KYNU: variants seen among roughly 807,000 people sequenced by gnomAD.
KYNU encodes the protein kynureninase.
Under a neutral mutation model 59.2 loss-of-function variants are expected in KYNU, and 54 were observed. The ratio of observed to expected loss-of-function variants is 0.91; its 90% confidence interval spans 0.73 to 1.14. KYNU has a LOEUF of 1.14. Ranked by LOEUF, KYNU falls within the 50% of genes most tolerant of loss-of-function variation. The pLI, the probability that KYNU is intolerant of heterozygous loss-of-function variation, is 0.00. For missense variants in KYNU, 567 were observed against 554.4 expected, an observed-to-expected ratio of 1.02 and a Z score of -0.23; for synonymous variants, 177 against 192.0, an observed-to-expected ratio of 0.92 and a Z score of 0.65.
At chr2:143,028,628 C>CG (rs1686648087) in intron 10 of KYNU, among the ~76,000 whole-genome samples, 1 of 150,772 alleles carries the variant, frequency 6.6e-6, no homozygotes, top group Non-Finnish European at 1.5e-5. Flanking sequence ...GGCTGATCAC[C>CG]TGAGGTCGGG....
chr2:142,906,014 T>A (rs1272881699), intron 2 of KYNU, among the ~76,000 whole-genome samples: 1 of 152,040 alleles, frequency 6.6e-6, no homozygotes, highest in East Asian at 1.9e-4. Flanking sequence ...TCTCTCTCTC[T>A]CCTCTCTGTC....
At chr2:142,986,852 T>A (rs903050655) in intron 10 of KYNU, among the ~76,000 whole-genome samples, 1 of 151,864 alleles carries the variant, frequency 6.6e-6, no homozygotes, top group African/African-American at 2.4e-5. Flanking sequence ...AGTGGTAAAA[T>A]CTTTACAAGA....
chr2:142,929,411 C>CA (rs1033320789), intron 4 of KYNU, among the ~76,000 whole-genome samples: 2 of 143,032 alleles, frequency 1.4e-5, no homozygotes, highest in African/African-American at 2.6e-5. Flanking sequence ...CTCCCAATGG[C>CA]AAAAAAATAA....
intron 10 of KYNU, among the ~76,000 whole-genome samples, chr2:143,005,776 G>C (rs548840850): frequency 6.6e-6 from 1 of 151,788 alleles, no homozygotes; most frequent in Non-Finnish European, 1.5e-5. Flanking sequence ...AATTACTTTC[G>C]CACCAACATG....
At chr2:142,949,122 G>A (rs77772180) in intron 4 of KYNU, among the ~76,000 whole-genome samples, 3,086 of 152,320 alleles carry the variant, frequency 0.02, 98 homozygotes, top group African/African-American at 0.07. Flanking sequence ...GTCATGCTAT[G>A]CAAGAGGTGG....
chr2:142,904,907 A>G (rs962376574), intron 2 of KYNU, among the ~76,000 whole-genome samples: 10 of 152,126 alleles, frequency 6.6e-5, no homozygotes, highest in African/African-American at 2.4e-4. Context: ...GCTGGATTCT[A>G]GTGGTCCTTT....
chr2:142,898,321 A>G (rs1013030329), intron 2 of KYNU, among the ~76,000 whole-genome samples: 2 of 152,000 alleles, frequency 1.3e-5, no homozygotes, highest in Non-Finnish European at 2.9e-5. Flanking sequence ...GCTGCAGCCA[A>G]TCCCAGGACT....
At position 142,960,630 on chromosome 2, in the gene KYNU, G is replaced by A; in HGVS notation, c.589G>A (p.Glu197Lys). The A allele has an allele frequency of 6.2e-7, 1 of 1,613,460 alleles. No homozygotes were observed. The highest frequency in any genetic ancestry group is 8.5e-7 in the Non-Finnish European group (1 of 1,179,538). ...MRMIKPREGE[E>K]TLRIEDILEV... ...TGTGCCTAACTTGATTTAGGGGGAA[G>A]AAACCTTAAGAATAGAGGATATCCT... Residue 197 changes from glutamate to lysine, a missense_variant, in exon 8 of 14, where the codon GAA (glutamate) becomes AAA (lysine). Physicochemically the swap from Glu to Lys is moderately conservative, Grantham distance 56. Transcript: ENST00000264170.
rs1042097304 is a variant in KYNU at position 142,912,929 on chromosome 2, A to G, written c.170-5680A>G. On this transcript the variant is annotated intron_variant, in intron 2 of 13. Coordinates refer to ENST00000264170, the MANE Select transcript of KYNU (RefSeq NM_003937.3). ...GGGTTTCACCATGTTAGCCAGGATC[A>G]TCTCCATCTCCTGACCTCGTGATCC... 5.3e-5 allele frequency among the ~76,000 whole-genome samples: 8 copies of G among 149,546 alleles called. No individual in the cohort carries two copies. The East Asian group carries it at 1.6e-3, about 30-fold the overall frequency.
intron 4 of KYNU, among the ~76,000 whole-genome samples, chr2:142,945,079 C>T (rs923459656): frequency 6.6e-6 from 1 of 152,178 alleles, no homozygotes; most frequent in African/African-American, 2.4e-5. Context: ...ATATTAATGG[C>T]TGCTGACCAA....
chr2:142,952,181 A>G (rs1297893652), intron 4 of KYNU, among the ~76,000 whole-genome samples: 1 of 151,888 alleles, frequency 6.6e-6, no homozygotes, highest in Non-Finnish European at 1.5e-5. Flanking sequence ...GGCTCAAGCG[A>G]TTCTCCAACT....
At chr2:142,895,917 A>T (rs72849123) in intron 2 of KYNU, among the ~76,000 whole-genome samples, 125 of 152,284 alleles carry the variant, frequency 8.2e-4, no homozygotes, top group Non-Finnish European at 1.4e-3. Flanking sequence ...ACAAAGCTCA[A>T]GCAGTCCTTA....
chr2:143,052,964 C>T lies in KYNU; in HGVS notation c.*10792C>T, dbSNP rs1392202547. ...TTAAAGCAGCCAGGAGGGGGCTATA[C>T]CCTGCAAAGCCACAGGGGCGGACCT... On this transcript the variant is annotated 3_prime_UTR_variant, in exon 14 of 14. Coordinates refer to ENST00000264170, the MANE Select transcript of KYNU (RefSeq NM_003937.3). The T allele has an allele frequency of 6.6e-6, 1 of 152,342 alleles. No homozygotes were observed. The highest frequency in any genetic ancestry group is 1.5e-5 in the Non-Finnish European group (1 of 68,142). The allele number at this position is 152,342 out of a possible 1,614,324, so 9.4% of individuals were successfully genotyped here.
chr2:142,948,938 T>C (rs1031106750), intron 4 of KYNU, among the ~76,000 whole-genome samples: 1 of 152,212 alleles, frequency 6.6e-6, no homozygotes. Context: ...AAATGGCAAG[T>C]TAATTATTCC....
At chr2:143,021,590 C>T (rs1253426874) in intron 10 of KYNU, among the ~76,000 whole-genome samples, 3 of 152,054 alleles carry the variant, frequency 2.0e-5, no homozygotes, top group Admixed American at 6.6e-5. Context: ...GGGGGGCAGG[C>T]ACCTCACGTG....
In KYNU at chr2:142,989,046, A is replaced by G. The variant is rs569958138; in HGVS notation, c.902+3025A>G. On this transcript the variant is annotated intron_variant, in intron 10 of 13. Transcript: ENST00000264170. The stretch of plus-strand genomic sequence containing the variant: ...CCTGTGAGAAGAGTGATAAACAAAG[A>G]AAAGACCCAAAAGCCTACAATATCA... 6.2e-5 allele frequency: 40 copies of G among 642,974 alleles called. No individual in the cohort carries two copies. In the African/African-American group the frequency reaches 6.8e-4, roughly 11 times the overall value. The allele number at this position is 642,974 out of a possible 1,614,324, so 39.8% of individuals were successfully genotyped here.
At chr2:142,880,791 T>C (rs1681268899) in intron 1 of KYNU, among the ~76,000 whole-genome samples, 1 of 152,170 alleles carries the variant, frequency 6.6e-6, no homozygotes, top group Non-Finnish European at 1.5e-5. Flanking sequence ...GACCAGGCAA[T>C]TGATAATGCC....
intron 4 of KYNU, 27 bp downstream of exon 4, chr2:142,927,768 C>A: frequency 7.0e-7 from 1 of 1,433,090 alleles, no homozygotes. Flanking sequence ...GAAGTTTTTC[C>A]AAATGAATTG....
chr2:142,998,492 T>A (rs2105181835), intron 10 of KYNU, among the ~76,000 whole-genome samples: 1 of 152,336 alleles, frequency 6.6e-6, no homozygotes, highest in East Asian at 1.9e-4. Context: ...TTTGAAATAA[T>A]CATTTCTTTA....
Sources: gnomAD v4.1 joint callset for allele counts (sites outside exome capture counted in the v4.1 genomes callset) on GRCh38, gnomAD v4.1.1 for gene constraint, MANE v1.5 for transcripts, NCBI Gene and HGNC (gene_info 2026-07-23, HGNC 2026-07-21) for gene names.